CTNND2: variants seen among roughly 807,000 people sequenced by gnomAD.
The protein encoded by CTNND2 is catenin delta-2.
In CTNND2, 22 loss-of-function variants were observed where a neutral mutation model predicts 144.4. That is an observed-to-expected ratio of 0.15 (90% CI 0.11 to 0.22). The LOEUF is 0.22. Ranked by LOEUF, CTNND2 falls within the 10% of genes least tolerant of loss-of-function variation. The pLI, the probability that CTNND2 is intolerant of heterozygous loss-of-function variation, is 1.00. For synonymous variants in CTNND2, 751 were observed against 695.6 expected (o/e 1.08, Z -1.25); for missense variants, 1,353 against 1,618.8 (o/e 0.84, Z 2.82).
chr5:11,362,865 C>T (rs1405455288), intron 8 of CTNND2, among the ~76,000 whole-genome samples: 1 of 152,212 alleles, frequency 6.6e-6, no homozygotes, highest in Non-Finnish European at 1.5e-5. Context: ...AGTAAATATT[C>T]TTGGTTTTGC....
At chr5:11,794,930 A>C (rs1314037637) in intron 1 of CTNND2, among the ~76,000 whole-genome samples, 1 of 152,180 alleles carries the variant, frequency 6.6e-6, no homozygotes, top group Non-Finnish European at 1.5e-5. Flanking sequence ...GCCCCATACA[A>C]AATAAATGTA....
chr5:11,314,258 C>T (rs958719759), intron 9 of CTNND2, among the ~76,000 whole-genome samples: 2 of 152,144 alleles, frequency 1.3e-5, no homozygotes, highest in Admixed American at 6.5e-5. Flanking sequence ...GATCATTTCT[C>T]GTTCTTTCCT....
At chr5:11,787,032 G>A (rs1790873553) in intron 1 of CTNND2, among the ~76,000 whole-genome samples, 1 of 152,194 alleles carries the variant, frequency 6.6e-6, no homozygotes, top group African/African-American at 2.4e-5. Flanking sequence ...CAGACCTGGA[G>A]TCGGCAGTAT....
chr5:11,868,756 G>T (rs922718421), intron 1 of CTNND2, among the ~76,000 whole-genome samples: 1 of 152,098 alleles, frequency 6.6e-6, no homozygotes, highest in African/African-American at 2.4e-5. Flanking sequence ...AAAAAGACCT[G>T]AGCTAGCGTG....
chr5:11,596,234 C>G (rs1779497233), intron 2 of CTNND2, among the ~76,000 whole-genome samples: 1 of 152,208 alleles, frequency 6.6e-6, no homozygotes, highest in African/African-American at 2.4e-5. Context: ...AAGAATACTG[C>G]ATCCTAATCA....
intron 1 of CTNND2, among the ~76,000 whole-genome samples, chr5:11,861,948 A>T (rs1444940592): frequency 6.6e-6 from 1 of 152,190 alleles, no homozygotes; most frequent in Non-Finnish European, 1.5e-5. Context: ...TGTCTTCTCA[A>T]TGTAACCTAC....
At chr5:11,289,909 A>C (rs1486254895) in intron 9 of CTNND2, among the ~76,000 whole-genome samples, 1 of 152,196 alleles carries the variant, frequency 6.6e-6, no homozygotes, top group Non-Finnish European at 1.5e-5. Flanking sequence ...GGCTGGGGCA[A>C]GGTGCTGAAT....
chr5:11,511,738 G>A (rs1268820264), intron 3 of CTNND2, among the ~76,000 whole-genome samples: 1 of 152,044 alleles, frequency 6.6e-6, no homozygotes, highest in Non-Finnish European at 1.5e-5. Flanking sequence ...TGTGAATTCT[G>A]CTGTTCCATA....
chr5:10,985,151 A>AAAC (rs1737784302), intron 20 of CTNND2, among the ~76,000 whole-genome samples: 1 of 152,208 alleles, frequency 6.6e-6, no homozygotes, highest in African/African-American at 2.4e-5. Context: ...GACAAAAAAC[A>AAAC]AACAGACCAT....
At chr5:11,536,071 T>C (rs1298056592) in intron 3 of CTNND2, among the ~76,000 whole-genome samples, 2 of 152,184 alleles carry the variant, frequency 1.3e-5, no homozygotes, top group Non-Finnish European at 2.9e-5. Flanking sequence ...TTTTCCATTT[T>C]TGATTTTTTA....
chr5:11,300,320 C>T (rs1363070238), intron 9 of CTNND2, among the ~76,000 whole-genome samples: 3 of 152,170 alleles, frequency 2.0e-5, no homozygotes, highest in African/African-American at 7.2e-5. Context: ...CCCAAGGGAA[C>T]TTCACAGCCT....
intron 1 of CTNND2, among the ~76,000 whole-genome samples, chr5:11,800,696 T>C (rs80075629): frequency 0.037 from 5,584 of 152,256 alleles, 336 homozygotes; most frequent in African/African-American, 0.13. Flanking sequence ...ATAAAGTCAA[T>C]TGAGATAATT....
intron 1 of CTNND2, among the ~76,000 whole-genome samples, chr5:11,888,996 C>T (rs962354555): frequency 1.3e-5 from 2 of 152,092 alleles, no homozygotes; most frequent in African/African-American, 4.8e-5. Flanking sequence ...ATGATCTGTC[C>T]ACCTCAGCTT....
At chr5:11,152,022 C>T (rs1294807116) in intron 12 of CTNND2, among the ~76,000 whole-genome samples, 1 of 152,106 alleles carries the variant, frequency 6.6e-6, no homozygotes, top group East Asian at 1.9e-4. Flanking sequence ...ATACAAAGCT[C>T]AAGGGCTACA....
At chr5:11,902,531 G>A (rs1303271998) in intron 1 of CTNND2, among the ~76,000 whole-genome samples, 1 of 152,084 alleles carries the variant, frequency 6.6e-6, no homozygotes, top group African/African-American at 2.4e-5. Flanking sequence ...TATGCACAAT[G>A]AGATAACTCC....
chr5:11,668,961 G>A (rs370672820), intron 2 of CTNND2, among the ~76,000 whole-genome samples: 1 of 152,122 alleles, frequency 6.6e-6, no homozygotes, highest in African/African-American at 2.4e-5. Flanking sequence ...TTTATTGAGA[G>A]TTTTAGTAGG....
intron 3 of CTNND2, among the ~76,000 whole-genome samples, chr5:11,455,386 G>A (rs74362560): frequency 6.6e-5 from 10 of 152,158 alleles, no homozygotes; most frequent in East Asian, 5.8e-4. Context: ...TCACGTAATC[G>A]CATGGTGCAT....
chr5:11,104,738 CAA>C (rs1334557385), intron 14 of CTNND2, among the ~76,000 whole-genome samples: 1 of 152,102 alleles, frequency 6.6e-6, no homozygotes, highest in Non-Finnish European at 1.5e-5. Flanking sequence ...TGAGGCTGTG[CAA>C]AGAGGGGATA....
intron 20 of CTNND2, chr5:10,986,496 T>G (rs537256663): frequency 2.6e-6 from 1 of 381,522 alleles, no homozygotes; most frequent in African/African-American, 2.1e-5. Flanking sequence ...GTGTCATGAC[T>G]AGCTCAGCAT....
Sources: gnomAD v4.1 joint callset for allele counts (sites outside exome capture counted in the v4.1 genomes callset) on GRCh38, gnomAD v4.1.1 for gene constraint, MANE v1.5 for transcripts, NCBI Gene and HGNC (gene_info 2026-07-23, HGNC 2026-07-21) for gene names.